Variants in C14orf132 observed in about 807,000 individuals in gnomAD.
The protein encoded by C14orf132 is chromosome 14 open reading frame 132.
Under a neutral mutation model 5.8 loss-of-function variants are expected in C14orf132, and 6 were observed. That is an observed-to-expected ratio of 1.03 (90% CI 0.57 to 2.04). The LOEUF (loss-of-function observed/expected upper bound fraction) is 2.04. Among genes scored for constraint, C14orf132 ranks in the 30% most tolerant of loss-of-function variants. The pLI is 0.00. For missense variants in C14orf132, 125 were observed against 115.8 expected, an observed-to-expected ratio of 1.08 and a Z score of -0.37; for synonymous variants, 51 against 49.8, an observed-to-expected ratio of 1.02 and a Z score of -0.10.
intron 1 of C14orf132, among the ~76,000 whole-genome samples, chr14:96,062,385 G>A (rs1032494723): frequency 6.6e-6 from 1 of 152,124 alleles, no homozygotes. Context: ...AGCATCACCA[G>A]CTCCAAATGC....
At chr14:96,054,119 G>A (rs372823101) in intron 1 of C14orf132, among the ~76,000 whole-genome samples, 46 of 152,236 alleles carry the variant, frequency 3.0e-4, no homozygotes, top group African/African-American at 7.5e-4. Context: ...TGACCAAACC[G>A]CCCATGTAGA....
chr14:96,043,023 C>T (rs1886734422), intron 1 of C14orf132, among the ~76,000 whole-genome samples: 1 of 152,232 alleles, frequency 6.6e-6, no homozygotes, highest in African/African-American at 2.4e-5. Flanking sequence ...CAGGATCACG[C>T]ATGTTCAAAG....
intron 1 of C14orf132, among the ~76,000 whole-genome samples, chr14:96,081,639 C>T (rs545224479): frequency 2.2e-4 from 33 of 152,286 alleles, no homozygotes; most frequent in African/African-American, 6.0e-4. Context: ...CTCGCTGGCA[C>T]GCAGACTGGA....
chr14:96,086,673 G>C lies in C14orf132; in HGVS notation c.190G>C (p.Ala64Pro). 2 of 1,536,188 alleles carry C rather than the reference G, an allele frequency of 1.3e-6. No homozygotes were observed. Among genetic ancestry groups the C allele is most frequent in the Middle Eastern group, 3.3e-4 (2 of 5,990 alleles). ...SSNDAVLLWI[A>P]IIATLGNIVV... ...CAACGACGCCGTCTTGCTATGGATTGCCATCATAGCTACGCTGGGGAACAT... is the reference window on the plus strand; with the variant it reads ...CAACGACGCCGTCTTGCTATGGATTCCCATCATAGCTACGCTGGGGAACAT... Residue 64 changes from alanine to proline, a missense_variant, in exon 2 of 2, where the codon GCC (alanine) becomes CCC (proline). By Grantham distance (27) the Ala-to-Pro change is conservative. Coordinates refer to ENST00000555004, the MANE Select transcript of C14orf132 (RefSeq NM_001252507.3).
In C14orf132 at chr14:96,088,798, T is replaced by C. The variant is rs1595196983; in HGVS notation, c.*2063T>C. ...ATGGCAGTCGGGAGACAGGGTTCTG[T>C]GTTTGCTGCGGTGAAGGGAGGAGAA... On this transcript the variant is annotated 3_prime_UTR_variant, in exon 2 of 2. Coordinates refer to ENST00000555004, the MANE Select transcript of C14orf132 (RefSeq NM_001252507.3). The C allele has an allele frequency of 6.6e-6, 1 of 152,264 alleles. No individual in the cohort carries two copies. Among genetic ancestry groups the C allele is most frequent in the African/African-American group, 2.4e-5 (1 of 41,436 alleles). 9.4% of individuals were successfully genotyped at this position (152,264 alleles called of 1,614,324 possible).
At chr14:96,063,386 G>C (rs1039198809) in intron 1 of C14orf132, among the ~76,000 whole-genome samples, 1 of 152,134 alleles carries the variant, frequency 6.6e-6, no homozygotes, top group African/African-American at 2.4e-5. Flanking sequence ...TTGGCTCACT[G>C]TAACGTCTGT....
At chr14:96,055,194 C>G (rs1336330504) in intron 1 of C14orf132, among the ~76,000 whole-genome samples, 1 of 152,218 alleles carries the variant, frequency 6.6e-6, no homozygotes, top group Non-Finnish European at 1.5e-5. Flanking sequence ...CTGCAGGTCC[C>G]ATGGGGCAAT....
chr14:96,053,194 G>A (rs1010536442), intron 1 of C14orf132, among the ~76,000 whole-genome samples: 4 of 152,206 alleles, frequency 2.6e-5, no homozygotes, highest in African/African-American at 9.6e-5. Flanking sequence ...GAGTGGGGAT[G>A]GTTGAAACCA....
At chr14:96,085,311 C>T (rs916397675) in intron 1 of C14orf132, among the ~76,000 whole-genome samples, 4 of 152,208 alleles carry the variant, frequency 2.6e-5, no homozygotes, top group Non-Finnish European at 4.4e-5. Flanking sequence ...CATTCAGGTT[C>T]CCTTCAAAAG....
chr14:96,057,663 G>C (rs1304397723), intron 1 of C14orf132, among the ~76,000 whole-genome samples: 1 of 152,170 alleles, frequency 6.6e-6, no homozygotes, highest in African/African-American at 2.4e-5. Context: ...TGCAAAAGTG[G>C]AATCTGTTTG....
intron 1 of C14orf132, among the ~76,000 whole-genome samples, chr14:96,084,101 C>G (rs1488980605): frequency 6.6e-6 from 1 of 152,200 alleles, no homozygotes; most frequent in African/African-American, 2.4e-5. Context: ...AAGAGAGAGA[C>G]AGGACATATG....
At chr14:96,040,445 C>T in intron 1 of C14orf132, 1 of 393,338 alleles carries the variant, frequency 2.5e-6, no homozygotes, top group East Asian at 3.6e-5. Flanking sequence ...GCAGAGAGGT[C>T]GGGAGGCCAC....
intron 1 of C14orf132, among the ~76,000 whole-genome samples, chr14:96,062,483 T>G (rs1350147811): frequency 6.6e-6 from 1 of 152,196 alleles, no homozygotes; most frequent in African/African-American, 2.4e-5. Flanking sequence ...CCCCTGCCTT[T>G]TGCAAAAGCT....
chr14:96,060,038 C>T (rs1265182357), intron 1 of C14orf132, among the ~76,000 whole-genome samples: 6 of 152,234 alleles, frequency 3.9e-5, no homozygotes, highest in African/African-American at 1.4e-4. Flanking sequence ...CCCCCCTCCC[C>T]TCCTTCAGTG....
rs889561397 is a variant in C14orf132, at chr14:96,087,017, T to C, written c.*282T>C. ...TCCTTGAAACTACATTCCAGGAACA[T>C]GGGACCAGATGAGACAGCTAGTTAA... On this transcript the variant is annotated 3_prime_UTR_variant, in exon 2 of 2. Coordinates refer to ENST00000555004, the MANE Select transcript of C14orf132 (RefSeq NM_001252507.3). 27 of 491,610 alleles carry C rather than the reference T, an allele frequency of 5.5e-5. No individual in the cohort carries two copies. Among genetic ancestry groups the C allele is most frequent in the African/African-American group, 4.8e-4 (25 of 52,012 alleles). 30.5% of individuals were successfully genotyped at this position (491,610 alleles called of 1,614,324 possible).
intron 1 of C14orf132, among the ~76,000 whole-genome samples, chr14:96,069,236 TTATTGGTTCTGTTTATGTTC>T: frequency 1.4e-5 from 2 of 140,240 alleles, no homozygotes; most frequent in African/African-American, 2.6e-5. Context: ...CATATATATG[TTATTGGTTCTGTTTATGTTC>T]ATATATATAT....
chr14:96,064,393 C>CAT (rs1555385090), intron 1 of C14orf132, among the ~76,000 whole-genome samples: 76 of 146,392 alleles, frequency 5.2e-4, no homozygotes, highest in African/African-American at 1.8e-3. Context: ...CACACACACA[C>CAT]ATATACATAT....
chr14:96,043,885 T>C (rs1040618139), intron 1 of C14orf132, among the ~76,000 whole-genome samples: 1 of 152,152 alleles, frequency 6.6e-6, no homozygotes, highest in African/African-American at 2.4e-5. Flanking sequence ...AAACTGAGCT[T>C]CTCCCTCTCT....
At chr14:96,083,992 T>C (rs1476276665) in intron 1 of C14orf132, among the ~76,000 whole-genome samples, 1 of 152,190 alleles carries the variant, frequency 6.6e-6, no homozygotes, top group African/African-American at 2.4e-5. Context: ...GATGGCCTGG[T>C]TGGCGGGAGC....
Sources: gnomAD v4.1 joint callset for allele counts (sites outside exome capture counted in the v4.1 genomes callset) on GRCh38, gnomAD v4.1.1 for gene constraint, MANE v1.5 for transcripts, NCBI Gene and HGNC (gene_info 2026-07-23, HGNC 2026-07-21) for gene names.